Variants in DSTYK observed in about 807,000 individuals in gnomAD.
DSTYK encodes dual serine/threonine and tyrosine protein kinase.
Under a neutral mutation model 98.7 loss-of-function variants are expected in DSTYK, and 34 were observed. The observed-to-expected ratio is 0.34, with a 90% confidence interval of 0.26 to 0.46. The LOEUF (loss-of-function observed/expected upper bound fraction) is 0.46, where lower values mean the gene tolerates loss of function less well. Among genes scored for constraint, DSTYK ranks in the 20% least tolerant of loss-of-function variants. The pLI is 1.00. For missense variants in DSTYK, 962 were observed against 1,181.7 expected (o/e 0.81, Z 2.73); for synonymous variants, 462 against 457.3 (o/e 1.01, Z -0.13).
At chr1:205,202,436 G>C in intron 1 of DSTYK, 1 of 753,856 alleles carries the variant, frequency 1.3e-6, no homozygotes, top group Non-Finnish European at 2.4e-6. Context: ...CAAGGTCAGT[G>C]GCCCAAAAAG....
At chr1:205,177,278 C>T (rs970766541) in intron 2 of DSTYK, among the ~76,000 whole-genome samples, 4 of 152,124 alleles carry the variant, frequency 2.6e-5, no homozygotes, top group Non-Finnish European at 1.5e-5. Context: ...TGGTAGGTAG[C>T]AGATGTCTTT....
intron 1 of DSTYK, among the ~76,000 whole-genome samples, chr1:205,204,618 C>T (rs1054727835): frequency 6.6e-6 from 1 of 152,098 alleles, no homozygotes; most frequent in Non-Finnish European, 1.5e-5. Flanking sequence ...ATAATTCACC[C>T]CTTTTAAGTG....
chr1:205,175,807 A>G (rs975411241), intron 2 of DSTYK, among the ~76,000 whole-genome samples: 1 of 152,228 alleles, frequency 6.6e-6, no homozygotes, highest in African/African-American at 2.4e-5. Context: ...CTTAGCACCT[A>G]GAACAGTGCC....
Position 205,187,487 on chromosome 1 carries a change from T to C in DSTYK, c.585A>G (p.Gln195=). 3 of 1,614,190 alleles carry C rather than the reference T, an allele frequency of 1.9e-6. No homozygotes were observed. The highest frequency in any genetic ancestry group is 3.3e-4 in the Middle Eastern group (2 of 6,062). The change falls in exon 2 of 13, where the codon CAA becomes CAG. Residue 195 remains glutamine (Q), a synonymous_variant. Coordinates refer to ENST00000367162, the MANE Select transcript of DSTYK (RefSeq NM_015375.3). ...CATGAGCAGCATCCTCATTGTTCTCTTGGACCTCCAGATCCTCCTCAGGGA... is the reference window on the plus strand; with the variant it reads ...CATGAGCAGCATCCTCATTGTTCTCCTGGACCTCCAGATCCTCCTCAGGGA... ...ETIPEEDLEV[Q]ENNEDAAHVL...
rs1199248303 is a variant in DSTYK at position 205,202,120 on chromosome 1, GA to G, written c.265+9150del. On this transcript the variant is annotated intron_variant, in intron 1 of 12. Transcript: ENST00000367162. ...AAGGGAGAGGGGGAAGGGAGAAGGG[GA>G]AGGGAAGGGAAGGGGAAGGGGAAGG... 7 of 472,862 alleles carry G rather than the reference GA, an allele frequency of 1.5e-5. No individual in the cohort carries two copies. The East Asian group carries it at 2.3e-4, about 15-fold the overall frequency. The allele number at this position is 472,862 out of a possible 1,614,324, so 29.3% of individuals were successfully genotyped here.
At chr1:205,194,266 A>G (rs1442991715) in intron 1 of DSTYK, among the ~76,000 whole-genome samples, 1 of 152,198 alleles carries the variant, frequency 6.6e-6, no homozygotes, top group South Asian at 2.1e-4. Flanking sequence ...GACCCTCAAG[A>G]TGAGTGAGGA....
intron 1 of DSTYK, among the ~76,000 whole-genome samples, chr1:205,207,498 C>A (rs1659238284): frequency 6.6e-6 from 1 of 151,150 alleles, no homozygotes; most frequent in African/African-American, 2.4e-5. Context: ...TGCCTGTAAT[C>A]CCAGCACTTT....
intron 3 of DSTYK, among the ~76,000 whole-genome samples, chr1:205,166,401 T>C (rs1041531582): frequency 2.0e-5 from 3 of 151,434 alleles, no homozygotes; most frequent in African/African-American, 7.3e-5. Flanking sequence ...CCTGTAATCC[T>C]AGCACTTTGT....
intron 7 of DSTYK, among the ~76,000 whole-genome samples, chr1:205,160,658 C>A (rs558730456): frequency 6.6e-6 from 1 of 152,050 alleles, no homozygotes; most frequent in African/African-American, 2.4e-5. Context: ...CATTGTGAAC[C>A]TGCCTTTAGG....
At chr1:205,181,918 T>C (rs1371904524) in intron 2 of DSTYK, among the ~76,000 whole-genome samples, 5 of 151,968 alleles carry the variant, frequency 3.3e-5, no homozygotes, top group African/African-American at 7.3e-5. Flanking sequence ...TAGACAAGAA[T>C]TGAGAGATGC....
intron 3 of DSTYK, among the ~76,000 whole-genome samples, chr1:205,165,953 C>T (rs1657875276): frequency 6.6e-6 from 1 of 151,778 alleles, no homozygotes; most frequent in East Asian, 1.9e-4. Flanking sequence ...ACCCAGGAGG[C>T]GGAGGTTGTA....
intron 3 of DSTYK, among the ~76,000 whole-genome samples, chr1:205,167,200 C>G (rs897426498): frequency 6.6e-6 from 1 of 152,026 alleles, no homozygotes; most frequent in Non-Finnish European, 1.5e-5. Flanking sequence ...GAGTTCAAGA[C>G]CAGCTTGGCC....
At chr1:205,178,273 T>G (rs1224880066) in intron 2 of DSTYK, among the ~76,000 whole-genome samples, 3 of 151,820 alleles carry the variant, frequency 2.0e-5, no homozygotes, top group Non-Finnish European at 4.4e-5. Flanking sequence ...CTCTCTTCTC[T>G]CTATCTCGAA....
At chr1:205,172,113 C>A (rs547738987) in intron 2 of DSTYK, among the ~76,000 whole-genome samples, 1 of 151,934 alleles carries the variant, frequency 6.6e-6, no homozygotes, top group African/African-American at 2.4e-5. Context: ...CGCACCACCA[C>A]GCCCGGCTAA....
rs1310892104 is a variant in DSTYK, at chr1:205,157,302, G to A, written c.2323C>T (p.His775Tyr). 1 of 1,614,016 alleles carries A rather than the reference G, an allele frequency of 6.2e-7. No individual in the cohort carries two copies. Among genetic ancestry groups the A allele is most frequent in the Non-Finnish European group, 8.5e-7 (1 of 1,179,972 alleles). The change falls in exon 10 of 13, where the codon CAT becomes TAT. Residue 775 changes from histidine (H) to tyrosine (Y), a missense_variant. His to Tyr is a moderately conservative substitution (Grantham distance 83, BLOSUM62 2). Around this residue, in one of 4 missense-constraint regions of DSTYK, gnomAD observed 69 missense variants for 142.9 expected, o/e 0.48. Coordinates refer to ENST00000367162, the MANE Select transcript of DSTYK (RefSeq NM_015375.3). ...IRFLHSQGLV[H>Y]RDIKLKNVLL... is the part of the protein sequence containing the mutation. ...ACATTTTTCAGTTTGATATCACGAT[G>A]GACAAGTCCCTGGCTGTGCAGGAAG... is the stretch of plus-strand genomic sequence containing the variant.
chr1:205,154,415 C>T (rs953096952), intron 10 of DSTYK, among the ~76,000 whole-genome samples: 2 of 152,100 alleles, frequency 1.3e-5, no homozygotes, highest in South Asian at 2.1e-4. Context: ...GTTTTTCCCC[C>T]CCTTTTGATC....
At chr1:205,198,192 T>A (rs944102683) in intron 1 of DSTYK, among the ~76,000 whole-genome samples, 1 of 150,302 alleles carries the variant, frequency 6.7e-6, no homozygotes, top group African/African-American at 2.5e-5. Context: ...AAACTCCGTC[T>A]CAAAAAAAAA....
intron 2 of DSTYK, among the ~76,000 whole-genome samples, chr1:205,180,768 C>CT (rs1489256975): frequency 6.6e-6 from 1 of 152,072 alleles, no homozygotes; most frequent in Non-Finnish European, 1.5e-5. Flanking sequence ...CCCAGCCAGG[C>CT]TGTTCTTTTA....
intron 2 of DSTYK, among the ~76,000 whole-genome samples, chr1:205,176,126 A>C (rs1313827520): frequency 6.6e-6 from 1 of 152,188 alleles, no homozygotes; most frequent in Non-Finnish European, 1.5e-5. Context: ...ATTCTGCATA[A>C]ATCTGTGGAG....
Sources: gnomAD v4.1 joint callset for allele counts (sites outside exome capture counted in the v4.1 genomes callset) on GRCh38, gnomAD v4.1.1 for gene constraint, gnomAD v4.1.1 regional missense constraint, MANE v1.5 for transcripts, NCBI Gene and HGNC (gene_info 2026-07-23, HGNC 2026-07-21) for gene names.